The following MAP2K5 variants were observed in gnomAD, a reference collection of about 807,000 sequenced individuals.
The protein encoded by MAP2K5 is mitogen-activated protein kinase kinase 5, also known as dual specificity mitogen-activated protein kinase kinase 5.
MAP2K5 carries 49 observed loss-of-function variants against 83.1 expected under a neutral mutation model. The ratio of observed to expected loss-of-function variants is 0.59; its 90% confidence interval spans 0.47 to 0.75. MAP2K5 has a LOEUF of 0.75. Among genes scored for constraint, MAP2K5 ranks in the 30% least tolerant of loss-of-function variants. MAP2K5 has a pLI of 0.00. For missense variants in MAP2K5, 457 were observed against 557.5 expected (o/e 0.82, Z 1.82); for synonymous variants, 202 against 191.8 (o/e 1.05, Z -0.44).
intron 4 of MAP2K5, among the ~76,000 whole-genome samples, chr15:67,582,296 A>G (rs1052670781): frequency 6.6e-6 from 1 of 152,004 alleles, no homozygotes; most frequent in Non-Finnish European, 1.5e-5. Context: ...TCCTGACCTC[A>G]TGATCCACTC....
intron 4 of MAP2K5, among the ~76,000 whole-genome samples, chr15:67,582,184 C>A (rs2085193801): frequency 1.3e-5 from 2 of 151,566 alleles, no homozygotes; most frequent in African/African-American, 4.8e-5. Flanking sequence ...GCCTCAGCCT[C>A]CTGAGTAGCT....
intron 9 of MAP2K5, among the ~76,000 whole-genome samples, chr15:67,639,549 C>T (rs2086669112): frequency 6.6e-6 from 1 of 152,142 alleles, no homozygotes; most frequent in Admixed American, 6.5e-5. Flanking sequence ...GCCGGTGACC[C>T]CCCTGCCGGC....
chr15:67,550,694 C>G (rs564928712), intron 2 of MAP2K5, among the ~76,000 whole-genome samples: 4 of 150,212 alleles, frequency 2.7e-5, no homozygotes, highest in African/African-American at 9.7e-5. Context: ...CATAAGGGCC[C>G]GGATGCTGAG....
intron 11 of MAP2K5, among the ~76,000 whole-genome samples, chr15:67,647,687 T>C (rs901583204): frequency 3.9e-5 from 6 of 151,982 alleles, no homozygotes; most frequent in Non-Finnish European, 8.8e-5. Context: ...CTAACCAACA[T>C]GGCGAAAACC....
Position 67,548,086 on chromosome 15 carries a change from A to G in MAP2K5, c.136-1948A>G, listed in dbSNP as rs1028420489. On this transcript the variant is annotated intron_variant, in intron 1 of 21. Transcript: ENST00000178640. ...AGTGCCTTGTTTATGTCGATGGGCT[A>G]AGGCATGCCATTGCCACTGAGCAGG... 2.6e-5 allele frequency among the ~76,000 whole-genome samples: 4 copies of G among 152,322 alleles called. No individual in the cohort carries two copies. In the East Asian group the frequency reaches 7.7e-4, roughly 29 times the overall value.
At chr15:67,759,596 A>C (rs1333488483) in intron 19 of MAP2K5, among the ~76,000 whole-genome samples, 3 of 151,876 alleles carry the variant, frequency 2.0e-5, no homozygotes, top group African/African-American at 7.3e-5. Context: ...AAATGGGATT[A>C]ACCAACTTCA....
intron 6 of MAP2K5, among the ~76,000 whole-genome samples, chr15:67,590,446 C>CCT (rs57701485): frequency 9.8e-5 from 3 of 30,544 alleles, no homozygotes; most frequent in African/African-American, 3.5e-4. Context: ...TCCCTCCCTC[C>CCT]CTCTCTCTCT....
intron 4 of MAP2K5, among the ~76,000 whole-genome samples, chr15:67,582,063 T>TC (rs1567288130): frequency 6.7e-6 from 1 of 148,236 alleles, no homozygotes; most frequent in East Asian, 1.9e-4. Flanking sequence ...TGATTTCTTT[T>TC]TTTTTTTTTT....
At chr15:67,632,142 C>T (rs1394736318) in intron 9 of MAP2K5, among the ~76,000 whole-genome samples, 2 of 148,924 alleles carry the variant, frequency 1.3e-5, no homozygotes, top group Non-Finnish European at 3.0e-5. Flanking sequence ...CTCTGTCATC[C>T]AGGCTGGAGT....
intron 11 of MAP2K5, among the ~76,000 whole-genome samples, chr15:67,657,540 C>A (rs1234788252): frequency 1.3e-5 from 2 of 151,866 alleles, no homozygotes; most frequent in African/African-American, 2.4e-5. Flanking sequence ...TGGTTCAGTT[C>A]ATATCAGAAG....
intron 13 of MAP2K5, among the ~76,000 whole-genome samples, chr15:67,683,890 C>T (rs2087884095): frequency 1.3e-5 from 2 of 152,190 alleles, no homozygotes; most frequent in Non-Finnish European, 2.9e-5. Flanking sequence ...TATCTTCAAA[C>T]TTTAGACAAC....
Position 67,692,525 on chromosome 15 carries a change from G to A in MAP2K5, c.894G>A (p.Lys298=). The A allele has an allele frequency of 2.5e-6, 4 of 1,613,650 alleles. No individual in the cohort carries two copies. The highest frequency in any genetic ancestry group is 2.5e-6 in the Non-Finnish European group (3 of 1,179,662). ...TAGTAAACACAAGAGGACAGGTTAAGCTGTGTGATTTTGGAGTTAGCACTC... is the reference window on the plus strand; with the variant it reads ...TAGTAAACACAAGAGGACAGGTTAAACTGTGTGATTTTGGAGTTAGCACTC... ...NMLVNTRGQV[K]LCDFGVSTQL... The change falls in exon 14 of 22, where the codon AAG becomes AAA. Residue 298 remains lysine, a synonymous_variant. Coordinates refer to ENST00000178640, the MANE Select transcript of MAP2K5 (RefSeq NM_145160.3).
At chr15:67,701,583 C>T (rs888995646) in intron 15 of MAP2K5, among the ~76,000 whole-genome samples, 1 of 152,126 alleles carries the variant, frequency 6.6e-6, no homozygotes, top group Non-Finnish European at 1.5e-5. Flanking sequence ...GGTCATTAAG[C>T]AGAGAAGAGG....
At chr15:67,697,939 A>G (rs1286536323) in intron 15 of MAP2K5, among the ~76,000 whole-genome samples, 2 of 152,236 alleles carry the variant, frequency 1.3e-5, no homozygotes, top group African/African-American at 4.8e-5. Flanking sequence ...ATGTGCTTGT[A>G]GGAGACTTGA....
At position 67,708,035 on chromosome 15, in the gene MAP2K5, G is replaced by C. The variant is rs981148246; in HGVS notation, c.1044+4627G>C. On this transcript the variant is annotated intron_variant, in intron 16 of 21. Coordinates refer to ENST00000178640, the MANE Select transcript of MAP2K5 (RefSeq NM_145160.3). This position sits in a 1 kb window ranked among gnomAD's most constrained non-coding sequence, Gnocchi z 4.9. ...GAAATTACACAGGAATCAAATACAG[G>C]CTAGGCCTGGCGGCTCATTCCTGTA... Among the ~76,000 whole-genome samples the C allele has an allele frequency of 6.6e-6, 1 of 152,168 alleles. No homozygotes were observed. The highest frequency in any genetic ancestry group is 2.4e-5 in the African/African-American group (1 of 41,438).
intron 8 of MAP2K5, chr15:67,628,261 C>A: frequency 1.7e-6 from 1 of 577,906 alleles, no homozygotes; most frequent in Non-Finnish European, 3.1e-6. Flanking sequence ...GTGGGCAGAT[C>A]ACGAGGTCAG....
At chr15:67,689,128 A>G (rs895071506) in intron 13 of MAP2K5, among the ~76,000 whole-genome samples, 8 of 152,212 alleles carry the variant, frequency 5.3e-5, no homozygotes, top group Non-Finnish European at 1.2e-4. Context: ...AGTGGCAAAC[A>G]TCTGTAGTCC....
In MAP2K5 at chr15:67,774,259, T is replaced by A. The variant is rs575175422; in HGVS notation, c.1242+1507T>A. 6.6e-6 allele frequency among the ~76,000 whole-genome samples: 1 copy of A among 152,294 alleles called. No individual in the cohort carries two copies. Among genetic ancestry groups the A allele is most frequent in the South Asian group, 2.1e-4 (1 of 4,832 alleles). ...TACAACTCTATACCCTGTTGTGTGCTGTCCCACATTTTAAATTAATAAATA... is the reference window on the plus strand; with the variant it reads ...TACAACTCTATACCCTGTTGTGTGCAGTCCCACATTTTAAATTAATAAATA... On this transcript the variant is annotated intron_variant, in intron 21 of 21. Coordinates refer to ENST00000178640, the MANE Select transcript of MAP2K5 (RefSeq NM_145160.3). The surrounding 1 kb of genome is among the most constrained non-coding windows in gnomAD (Gnocchi z 4.9).
rs2090569518 is a variant in MAP2K5 at position 67,794,417 on chromosome 15, T to A, written c.1243-12229T>A. Reference sequence around the variant, plus strand: ...CTTCCTTTTTGTGCATTTCCTTTTTTAAAAAAGGAGGGGTCTGTTTCAGAT... The same window carrying A: ...CTTCCTTTTTGTGCATTTCCTTTTTAAAAAAAGGAGGGGTCTGTTTCAGAT... On this transcript the variant is annotated intron_variant, in intron 21 of 21. Coordinates refer to ENST00000178640, the MANE Select transcript of MAP2K5 (RefSeq NM_145160.3). The surrounding 1 kb of genome is among the most constrained non-coding windows in gnomAD (Gnocchi z 4.6). Among the ~76,000 whole-genome samples the A allele has an allele frequency of 1.3e-5, 2 of 152,128 alleles. No homozygotes were observed. The highest frequency in any genetic ancestry group is 4.8e-5 in the African/African-American group (2 of 41,416).
Sources: allele counts gnomAD v4.1 joint callset (sites outside exome capture counted in the v4.1 genomes callset), GRCh38; gene constraint gnomAD v4.1.1; non-coding constraint Gnocchi (gnomAD v3.1); transcripts MANE v1.5; gene names NCBI Gene and HGNC (gene_info 2026-07-23, HGNC 2026-07-21).